The following HECW1 variants were observed in gnomAD, a reference collection of about 807,000 sequenced individuals.
The protein encoded by HECW1 is E3 ubiquitin-protein ligase HECW1.
Under a neutral mutation model 182.3 loss-of-function variants are expected in HECW1, and 61 were observed. The observed-to-expected ratio is 0.33, with a 90% CI of 0.27 to 0.41. The LOEUF (loss-of-function observed/expected upper bound fraction) is 0.41, where lower values mean the gene tolerates loss of function less well. Among genes scored for constraint, HECW1 ranks in the 10% least tolerant of loss-of-function variants. The probability of loss-of-function intolerance (pLI) is 1.00; values close to 1 mark genes in which losing one functional copy is unlikely to be tolerated. For synonymous variants in HECW1, 859 were observed against 832.6 expected, an observed-to-expected ratio of 1.03 and a Z score of -0.55; for missense variants, 1,739 against 2,108.9, an observed-to-expected ratio of 0.82 and a Z score of 3.44.
intron 5 of HECW1, among the ~76,000 whole-genome samples, chr7:43,336,735 T>C (rs762254166): frequency 1.3e-5 from 2 of 152,188 alleles, no homozygotes; most frequent in African/African-American, 2.4e-5. Context: ...CTCAGTCTAT[T>C]ATCTCCATCT....
intron 3 of HECW1, among the ~76,000 whole-genome samples, chr7:43,253,799 T>C (rs1392852106): frequency 2.6e-5 from 4 of 151,876 alleles, no homozygotes; most frequent in African/African-American, 9.7e-5. Context: ...TCCCAGCTAC[T>C]GGGGAAGCTG....
intron 4 of HECW1, among the ~76,000 whole-genome samples, chr7:43,315,248 GA>G (rs1464507194): frequency 6.6e-6 from 1 of 152,184 alleles, no homozygotes; most frequent in Non-Finnish European, 1.5e-5. Flanking sequence ...TAGAAGAGCA[GA>G]AGCTGTATAA....
intron 23 of HECW1, 27 bp downstream of exon 23, chr7:43,508,158 C>A: frequency 6.6e-7 from 1 of 1,516,062 alleles, no homozygotes; most frequent in Non-Finnish European, 9.2e-7. Flanking sequence ...TTTATGCAGA[C>A]ACCTAAGCAA....
chr7:43,375,184 A>G (rs1337242796), intron 6 of HECW1, among the ~76,000 whole-genome samples: 1 of 152,252 alleles, frequency 6.6e-6, no homozygotes, highest in African/African-American at 2.4e-5. Flanking sequence ...GAAGAATGCT[A>G]TAAACAAACA....
At chr7:43,392,474 C>T (rs2075072005) in intron 6 of HECW1, among the ~76,000 whole-genome samples, 2 of 152,220 alleles carry the variant, frequency 1.3e-5, no homozygotes, top group Admixed American at 6.5e-5. Context: ...CTTCCAAATA[C>T]ATGCTCATTT....
At chr7:43,197,312 A>C (rs1246391243) in intron 2 of HECW1, among the ~76,000 whole-genome samples, 2 of 152,104 alleles carry the variant, frequency 1.3e-5, no homozygotes, top group Admixed American at 6.5e-5. Flanking sequence ...GGAATACCCC[A>C]TCCCACCCCC....
intron 16 of HECW1, among the ~76,000 whole-genome samples, chr7:43,475,307 A>G (rs149757595): frequency 2.2e-4 from 33 of 152,360 alleles, no homozygotes; most frequent in African/African-American, 7.5e-4. Flanking sequence ...AATTGTAAGT[A>G]AATTTAAGCA....
intron 5 of HECW1, among the ~76,000 whole-genome samples, chr7:43,331,076 G>A (rs954822714): frequency 1.1e-4 from 17 of 151,982 alleles, no homozygotes; most frequent in Non-Finnish European, 2.2e-4. Context: ...ATGTTGGTGT[G>A]CTGCACCCAT....
intron 26 of HECW1, among the ~76,000 whole-genome samples, chr7:43,546,555 A>G (rs2081571126): frequency 6.6e-6 from 1 of 151,520 alleles, no homozygotes; most frequent in South Asian, 2.1e-4. Context: ...CAGGTAGACC[A>G]CTTTGATGCC....
chr7:43,208,226 CTCTGAAG>C (rs1318362016), intron 2 of HECW1, among the ~76,000 whole-genome samples: 1 of 152,178 alleles, frequency 6.6e-6, no homozygotes, highest in Non-Finnish European at 1.5e-5. Context: ...TAGACTAATT[CTCTGAAG>C]TCTGCTCTTT....
chr7:43,258,204 T>C (rs1800786080), intron 3 of HECW1, among the ~76,000 whole-genome samples: 1 of 151,734 alleles, frequency 6.6e-6, no homozygotes, highest in Non-Finnish European at 1.5e-5. Flanking sequence ...TAGCCGGGTG[T>C]GGTGGCACAT....
intron 2 of HECW1, among the ~76,000 whole-genome samples, chr7:43,134,537 G>T (rs1787317496): frequency 6.6e-6 from 1 of 151,742 alleles, no homozygotes. Context: ...ACAGGGTCTT[G>T]CTCTGTCCCC....
intron 2 of HECW1, among the ~76,000 whole-genome samples, chr7:43,219,127 C>A (rs887940568): frequency 2.6e-5 from 4 of 152,022 alleles, no homozygotes; most frequent in Admixed American, 6.5e-5. Flanking sequence ...ATACAGGGCG[C>A]CATGATGTTC....
intron 14 of HECW1, 88 bp downstream of exon 14, chr7:43,463,887 G>A: frequency 6.9e-7 from 1 of 1,447,116 alleles, no homozygotes; most frequent in East Asian, 2.3e-5. Context: ...GCCTCATGGG[G>A]AGCAATGTGC....
intron 2 of HECW1, chr7:43,241,110 G>A (rs1445242725): frequency 1.3e-5 from 2 of 152,234 alleles, no homozygotes; most frequent in Non-Finnish European, 2.9e-5. Flanking sequence ...ATTTCCTGGG[G>A]ATTTCCTCTA....
At chr7:43,477,237 A>G (rs906188350) in intron 16 of HECW1, among the ~76,000 whole-genome samples, 4 of 152,196 alleles carry the variant, frequency 2.6e-5, no homozygotes, top group African/African-American at 9.6e-5. Context: ...AGATCTGGAC[A>G]ACTGTTGTGA....
intron 2 of HECW1, among the ~76,000 whole-genome samples, chr7:43,161,174 T>C (rs963914716): frequency 6.6e-6 from 1 of 152,180 alleles, no homozygotes; most frequent in Non-Finnish European, 1.5e-5. Flanking sequence ...TCTGAATTAG[T>C]GTCACTTTTT....
intron 5 of HECW1, among the ~76,000 whole-genome samples, chr7:43,330,005 C>T (rs71540520): frequency 0.18 from 26,851 of 151,988 alleles, 3,155 homozygotes; most frequent in Non-Finnish European, 0.26. Flanking sequence ...GAGTTGAGGA[C>T]GGAATTCCAT....
intron 8 of HECW1, among the ~76,000 whole-genome samples, chr7:43,429,289 C>CATAT (rs57627873): frequency 6.8e-4 from 72 of 106,660 alleles, no homozygotes; most frequent in Non-Finnish European, 8.1e-4. Context: ...ATATTATATG[C>CATAT]ATATATATAT....
Sources: gnomAD v4.1 joint callset for allele counts (sites outside exome capture counted in the v4.1 genomes callset) on GRCh38, gnomAD v4.1.1 for gene constraint, MANE v1.5 for transcripts, NCBI Gene and HGNC (gene_info 2026-07-23, HGNC 2026-07-21) for gene names.